The following CR1L variants were observed in gnomAD, a reference collection of about 807,000 sequenced individuals.
CR1L encodes complement C3b/C4b receptor 1 like, also known as complement component receptor 1-like protein.
Under a neutral mutation model 62.3 loss-of-function variants are expected in CR1L, and 59 were observed. The ratio of observed to expected loss-of-function variants is 0.95; its 90% confidence interval spans 0.77 to 1.18. The LOEUF is 1.18. Ranked by LOEUF, CR1L falls within the 50% of genes most tolerant of loss-of-function variation. The pLI, the probability that CR1L is intolerant of heterozygous loss-of-function variation, is 0.00. For missense variants in CR1L, 700 were observed against 702.8 expected, an observed-to-expected ratio of 1.00 and a Z score of 0.04; for synonymous variants, 279 against 248.7, an observed-to-expected ratio of 1.12 and a Z score of -1.15.
At chr1:207,708,289 C>T in intron 10 of CR1L, 26 bp downstream of exon 10, 1 of 1,608,226 alleles carries the variant, frequency 6.2e-7, no homozygotes. Context: ...TTTCCCCATT[C>T]ACCCCACCAT....
intron 1 of CR1L, chr1:207,659,041 G>C (rs1286325841): frequency 1.3e-5 from 2 of 152,714 alleles, no homozygotes; most frequent in Non-Finnish European, 2.9e-5. Context: ...AACGCACTTG[G>C]AGGCTTGGCC....
Position 207,678,996 on chromosome 1 carries a change from C to CTT in CR1L, c.377+716_377+717dup, listed in dbSNP as rs34807467. On this transcript the variant is annotated intron_variant, in intron 3 of 11. Coordinates refer to ENST00000508064, the MANE Select transcript of CR1L (RefSeq NM_175710.2). ...TCTGTGCATGTCTGTGTCCAAAGTT[C>CTT]TTTTTTTTTTTTTTTTTTGAGATGG... Among the ~76,000 whole-genome samples the CTT allele has an allele frequency of 2.5e-3, 331 of 131,172 alleles. 3 individuals are homozygous for CTT. Among genetic ancestry groups the CTT allele is most frequent in the African/African-American group, 9.2e-3 (319 of 34,644 alleles). 86.1% of individuals were successfully genotyped at this position (131,172 alleles called of 152,430 possible). A position where few individuals can be genotyped will look rare whatever the true frequency, so the allele number is the denominator to read the frequency against.
In CR1L at chr1:207,694,710, C is replaced by A; in HGVS notation, c.821C>A (p.Ala274Asp). The A allele has an allele frequency of 6.2e-7, 1 of 1,611,850 alleles. No homozygotes were observed. Among genetic ancestry groups the A allele is most frequent in the Non-Finnish European group, 8.5e-7 (1 of 1,179,704 alleles). Residue 274 changes from alanine to aspartate, a missense_variant, in exon 5 of 12, where the codon GCC becomes GAC. By Grantham distance (126) the Ala-to-Asp change is moderately radical. Transcript: ENST00000508064. The part of the protein sequence containing the change: ...MKGPSHVKCQ[A>D]LNKWEPELPS... Reference sequence around the variant, plus strand: ...GGGCCCTCCCATGTGAAGTGCCAGGCCCTGAACAAATGGGAGCCAGAGTTA... The same window carrying A: ...GGGCCCTCCCATGTGAAGTGCCAGGACCTGAACAAATGGGAGCCAGAGTTA...
At chr1:207,688,748 T>G (rs1305986602) in intron 4 of CR1L, among the ~76,000 whole-genome samples, 1 of 152,186 alleles carries the variant, frequency 6.6e-6, no homozygotes, top group Non-Finnish European at 1.5e-5. Context: ...CTTTAATTTC[T>G]TTTAAAAATA....
chr1:207,683,570 A>T (rs1251447355), intron 3 of CR1L, among the ~76,000 whole-genome samples: 1 of 152,214 alleles, frequency 6.6e-6, no homozygotes, highest in Non-Finnish European at 1.5e-5. Context: ...CCTGCACTCA[A>T]GAAGCTTGTG....
intron 11 of CR1L, among the ~76,000 whole-genome samples, chr1:207,723,297 G>T (rs1207254753): frequency 1.3e-5 from 2 of 152,100 alleles, no homozygotes; most frequent in East Asian, 3.9e-4. Flanking sequence ...GGGTGTGGTA[G>T]CACGTGCCTG....
At chr1:207,661,179 A>G (rs10779350) in intron 1 of CR1L, among the ~76,000 whole-genome samples, 61,817 of 151,884 alleles carry the variant, frequency 0.41, 12,853 homozygotes, top group African/African-American at 0.48. Context: ...TGCAGAGCTG[A>G]GTTCAATTCC....
At chr1:207,684,144 G>T in intron 4 of CR1L, 187 bp downstream of exon 4, 1 of 448,832 alleles carries the variant, frequency 2.2e-6, no homozygotes, top group Admixed American at 3.8e-5. Context: ...TCTTATCCTG[G>T]GATGTGTCTT....
At chr1:207,656,694 G>A (rs973712584) in intron 1 of CR1L, among the ~76,000 whole-genome samples, 1 of 152,106 alleles carries the variant, frequency 6.6e-6, no homozygotes, top group Admixed American at 6.6e-5. Flanking sequence ...GGGGAGGACG[G>A]GAGGTGTTGC....
intron 1 of CR1L, among the ~76,000 whole-genome samples, chr1:207,671,168 T>C (rs556945182): frequency 1.3e-5 from 2 of 151,080 alleles, no homozygotes; most frequent in African/African-American, 5.0e-5. Flanking sequence ...ACTGACATCC[T>C]GATTTCTGAG....
intron 1 of CR1L, among the ~76,000 whole-genome samples, chr1:207,645,757 T>A (rs946557537): frequency 2.0e-5 from 3 of 151,726 alleles, no homozygotes; most frequent in Non-Finnish European, 4.4e-5. Flanking sequence ...CCTTGGTGAG[T>A]AGGGTGTTCA....
At chr1:207,708,842 G>A in intron 10 of CR1L, 2 of 410,322 alleles carry the variant, frequency 4.9e-6, no homozygotes, top group Non-Finnish European at 9.6e-6. Flanking sequence ...AACCCATCTG[G>A]TGGGAGAATA....
At chr1:207,663,378 C>T (rs1432700487) in intron 1 of CR1L, among the ~76,000 whole-genome samples, 1 of 152,232 alleles carries the variant, frequency 6.6e-6, no homozygotes, top group Admixed American at 6.5e-5. Context: ...TGCTGCCTTG[C>T]AGTTTGATCT....
chr1:207,679,153 ATTTTTTTTTTTT>A (rs34703217), intron 3 of CR1L, among the ~76,000 whole-genome samples: 8 of 90,288 alleles, frequency 8.9e-5, no homozygotes, highest in Admixed American at 2.6e-4. Flanking sequence ...GCCCACCACC[ATTTTTTTTTTTT>A]TTTTTTTTTT....
intron 1 of CR1L, among the ~76,000 whole-genome samples, chr1:207,663,099 C>A (rs994747613): frequency 6.6e-6 from 1 of 152,208 alleles, no homozygotes; most frequent in African/African-American, 2.4e-5. Flanking sequence ...GTCAGGGACC[C>A]ACTTGAGGAG....
chr1:207,686,852 C>T (rs1393491210), intron 4 of CR1L, among the ~76,000 whole-genome samples: 1 of 152,158 alleles, frequency 6.6e-6, no homozygotes, highest in Non-Finnish European at 1.5e-5. Flanking sequence ...AGAGCTGTCA[C>T]GAATGGGATT....
intron 9 of CR1L, among the ~76,000 whole-genome samples, chr1:207,704,840 A>C (rs1027666280): frequency 2.0e-5 from 3 of 152,226 alleles, no homozygotes; most frequent in Admixed American, 6.5e-5. Context: ...AAAAATTCAT[A>C]TGACTTGGTT....
intron 1 of CR1L, among the ~76,000 whole-genome samples, chr1:207,653,591 C>A (rs1663262748): frequency 6.6e-6 from 1 of 152,176 alleles, no homozygotes; most frequent in African/African-American, 2.4e-5. Flanking sequence ...CCTGGTTAGC[C>A]TTTACCATCA....
At chr1:207,676,753 C>G (rs1663698062) in intron 1 of CR1L, among the ~76,000 whole-genome samples, 1 of 152,132 alleles carries the variant, frequency 6.6e-6, no homozygotes, top group African/African-American at 2.4e-5. Context: ...CTCCTGGGTT[C>G]AAATGATTCT....
Sources: gnomAD v4.1 joint callset for allele counts (sites outside exome capture counted in the v4.1 genomes callset) on GRCh38, gnomAD v4.1.1 for gene constraint, MANE v1.5 for transcripts, NCBI Gene and HGNC (gene_info 2026-07-23, HGNC 2026-07-21) for gene names.